Variants in SAMTOR observed in about 807,000 individuals in gnomAD.
SAMTOR encodes the protein S-adenosylmethionine sensor upstream of mTORC1, also known as UPF0532 protein C7orf60.
At chr7:112,903,513 T>A in the SAMTOR span, among the ~76,000 whole-genome samples, 2 of 152,090 alleles carry the variant, frequency 1.3e-5, no homozygotes, top group African/African-American at 4.8e-5. Flanking sequence ...TGGATTACAT[T>A]ATTAGTTAGC....
the SAMTOR span, among the ~76,000 whole-genome samples, chr7:112,873,728 C>T: frequency 6.6e-6 from 1 of 152,080 alleles, no homozygotes; most frequent in Non-Finnish European, 1.5e-5. Context: ...CCTAATTAAA[C>T]TAAAGAGCTT....
chr7:112,829,570 T>G, the SAMTOR span, among the ~76,000 whole-genome samples: 1 of 151,992 alleles, frequency 6.6e-6, no homozygotes, highest in African/African-American at 2.4e-5. Flanking sequence ...ATGGCTGTAA[T>G]TTTTTTTGGA....
At chr7:112,880,443 G>A in the SAMTOR span, among the ~76,000 whole-genome samples, 1 of 152,072 alleles carries the variant, frequency 6.6e-6, no homozygotes, top group East Asian at 1.9e-4. Flanking sequence ...GTAAGTAACT[G>A]TAAAGAAGCA....
chr7:112,893,412 T>C, the SAMTOR span, among the ~76,000 whole-genome samples: 1 of 152,228 alleles, frequency 6.6e-6, no homozygotes, highest in Admixed American at 6.5e-5. Flanking sequence ...TTAGACCTCA[T>C]GAACCAACCT....
chr7:112,864,123 C>T, the SAMTOR span, among the ~76,000 whole-genome samples: 5 of 152,142 alleles, frequency 3.3e-5, no homozygotes, highest in African/African-American at 1.2e-4. Flanking sequence ...TGGCCATTAT[C>T]CTCAGCAAAC....
At chr7:112,859,309 T>C in the SAMTOR span, among the ~76,000 whole-genome samples, 1 of 152,324 alleles carries the variant, frequency 6.6e-6, no homozygotes, top group South Asian at 2.1e-4. Context: ...CTCATAAACA[T>C]AATGGAGCTG....
the SAMTOR span, among the ~76,000 whole-genome samples, chr7:112,893,995 A>G: frequency 1.3e-5 from 2 of 152,272 alleles, no homozygotes; most frequent in African/African-American, 2.4e-5. Context: ...CTTTCAGCCT[A>G]TATCAGCTTT....
At chr7:112,914,276 GTTTTTTT>G in the SAMTOR span, among the ~76,000 whole-genome samples, 20 of 130,994 alleles carry the variant, frequency 1.5e-4, no homozygotes, top group African/African-American at 5.5e-4. Context: ...TTAGCCTCTA[GTTTTTTT>G]TTTTTTTTTT....
chr7:112,845,958 C>T, the SAMTOR span, among the ~76,000 whole-genome samples: 1 of 152,050 alleles, frequency 6.6e-6, no homozygotes, highest in East Asian at 1.9e-4. Flanking sequence ...TAGCAAACTA[C>T]TGCAGAACAG....
At chr7:112,929,207 C>T in the SAMTOR span, among the ~76,000 whole-genome samples, 11 of 150,344 alleles carry the variant, frequency 7.3e-5, no homozygotes, top group Non-Finnish European at 1.6e-4. Flanking sequence ...GGTTAATATC[C>T]AAAAGATATA....
At chr7:112,939,695 G>C in the SAMTOR span, 2 of 1,611,876 alleles carry the variant, frequency 1.2e-6, no homozygotes, top group African/African-American at 1.3e-5. Flanking sequence ...CGGAGTGTTC[G>C]GGGACCCGGC....
the SAMTOR span, among the ~76,000 whole-genome samples, chr7:112,926,473 A>G: frequency 6.6e-5 from 10 of 152,304 alleles, no homozygotes; most frequent in African/African-American, 2.4e-5. Context: ...ACCTCACTGA[A>G]GTCCTAAGGA....
chr7:112,833,042 T>C, the SAMTOR span, among the ~76,000 whole-genome samples: 1 of 152,184 alleles, frequency 6.6e-6, no homozygotes, highest in Non-Finnish European at 1.5e-5. Flanking sequence ...TCCCAAAGTA[T>C]TGGGATTAGA....
At chr7:112,939,859 A>C in the SAMTOR span, 1 of 837,270 alleles carries the variant, frequency 1.2e-6, no homozygotes, top group Non-Finnish European at 1.8e-6. Context: ...CAGAGGAGGC[A>C]GAGGAACCGG....
chr7:112,880,125 C>T, the SAMTOR span, among the ~76,000 whole-genome samples: 5 of 151,984 alleles, frequency 3.3e-5, no homozygotes, highest in Non-Finnish European at 5.9e-5. Flanking sequence ...GAAAATATTC[C>T]GCAATCATCA....
the SAMTOR span, among the ~76,000 whole-genome samples, chr7:112,909,035 A>C: frequency 2.0e-5 from 3 of 152,234 alleles, no homozygotes; most frequent in African/African-American, 7.2e-5. Context: ...AGAAGCCATA[A>C]AAGGACAAAA....
chr7:112,839,080 T>A, the SAMTOR span, among the ~76,000 whole-genome samples: 1 of 151,838 alleles, frequency 6.6e-6, no homozygotes, highest in African/African-American at 2.4e-5. Flanking sequence ...ATGCCAGGGT[T>A]GAAGCAGAGA....
At chr7:112,866,917 T>C in the SAMTOR span, among the ~76,000 whole-genome samples, 2 of 152,262 alleles carry the variant, frequency 1.3e-5, no homozygotes, top group African/African-American at 2.4e-5. Context: ...GTTACTGCTA[T>C]ACTTTCTCAA....
chr7:112,848,437 T>C, the SAMTOR span, among the ~76,000 whole-genome samples: 3 of 152,168 alleles, frequency 2.0e-5, no homozygotes, highest in Non-Finnish European at 4.4e-5. Flanking sequence ...AGAGTCCAGA[T>C]ACTCAAGAAA....
Sources: allele counts gnomAD v4.1 joint callset (sites outside exome capture counted in the v4.1 genomes callset), GRCh38; gene constraint gnomAD v4.1.1; transcripts MANE v1.5; gene names NCBI Gene and HGNC (gene_info 2026-07-23, HGNC 2026-07-21).